The following SGIP1 variants were observed in gnomAD, a reference collection of about 807,000 sequenced individuals.
The protein encoded by SGIP1 is SH3-containing GRB2-like protein 3-interacting protein 1.
SGIP1 carries 38 observed loss-of-function variants against 107.5 expected under a neutral mutation model. The ratio of observed to expected loss-of-function variants is 0.35; its 90% CI spans 0.27 to 0.46. SGIP1 has a LOEUF of 0.46. Ranked by LOEUF, SGIP1 falls within the 20% of genes least tolerant of loss-of-function variation. The probability of loss-of-function intolerance (pLI) is 1.00; values close to 1 mark genes in which losing one functional copy is unlikely to be tolerated. For missense variants in SGIP1, 929 were observed against 1,019.5 expected (o/e 0.91, Z 1.21); for synonymous variants, 365 against 366.1 (o/e 1.00, Z 0.03).
At chr1:66,533,681 A>G (rs1331189997), upstream of SGIP1, 2 of 152,396 alleles carry the variant, frequency 1.3e-5, no homozygotes, top group African/African-American at 4.8e-5. Flanking sequence ...GGGTAAAAGG[A>G]CACCGGAATG....
At position 66,534,265 on chromosome 1, in the gene SGIP1, C is replaced by A; in HGVS notation, c.-94C>A. ...TGACAGCGGACGGAATAGACCTCAG[C>A]AGCGGCGTGGTGAGGACTTAGCTGG... On this transcript the variant is annotated 5_prime_UTR_variant, in exon 1 of 25. Coordinates refer to ENST00000371037, the MANE Select transcript of SGIP1 (RefSeq NM_032291.4). The A allele has an allele frequency of 7.5e-7, 1 of 1,338,486 alleles. No individual in the cohort carries two copies. Among genetic ancestry groups the A allele is most frequent in the Non-Finnish European group, 1.1e-6 (1 of 929,840 alleles). The allele number at this position is 1,338,486 out of a possible 1,614,324, so 82.9% of individuals were successfully genotyped here.
chr1:66,541,118 C>T (rs2054829131), intron 1 of SGIP1, among the ~76,000 whole-genome samples: 1 of 152,192 alleles, frequency 6.6e-6, no homozygotes, highest in Non-Finnish European at 1.5e-5. Context: ...TGCCTCTTTG[C>T]TGTACTGGAA....
At chr1:66,694,042 A>G (rs2150138717) in intron 17 of SGIP1, among the ~76,000 whole-genome samples, 1 of 152,324 alleles carries the variant, frequency 6.6e-6, no homozygotes. Flanking sequence ...CTGCTCTGTC[A>G]GGAGATTCTT....
chr1:66,586,763 T>A (rs1460791960), intron 1 of SGIP1, among the ~76,000 whole-genome samples: 1 of 152,132 alleles, frequency 6.6e-6, no homozygotes, highest in Non-Finnish European at 1.5e-5. Flanking sequence ...ATATTTTTGT[T>A]TACTGTGCTA....
intron 1 of SGIP1, among the ~76,000 whole-genome samples, chr1:66,574,696 G>GT (rs2060822122): frequency 6.6e-6 from 1 of 151,986 alleles, no homozygotes; most frequent in African/African-American, 2.4e-5. Context: ...ACATTCACTG[G>GT]TTCCCCCTTT....
rs1197339481 is a variant in SGIP1 at position 66,750,036 on chromosome 1, GGTGT to G, written c.*6970_*6973del. ...CTCTCTTTCTCTGTGTGTGTGTGGG[GGTGT>G]GTGTGTGTGTGTGTGTGTGTGTGTG... On this transcript the variant is annotated 3_prime_UTR_variant, in exon 25 of 25. Coordinates refer to ENST00000371037, the MANE Select transcript of SGIP1 (RefSeq NM_032291.4). Among the ~76,000 whole-genome samples the G allele has an allele frequency of 2.8e-3, 336 of 119,166 alleles. 1 individual carries two copies. The highest frequency in any genetic ancestry group is 0.01 in the East Asian group (42 of 4,098). The allele number at this position is 119,166 out of a possible 152,430, so 78.2% of individuals were successfully genotyped here.
intron 8 of SGIP1, among the ~76,000 whole-genome samples, chr1:66,662,518 T>C (rs10789213): frequency 0.37 from 55,570 of 152,100 alleles, 10,699 homozygotes; most frequent in African/African-American, 0.48. Flanking sequence ...CAAAAGGTAA[T>C]AGAACTGCCG....
At chr1:66,538,626 T>A (rs144374594) in intron 1 of SGIP1, among the ~76,000 whole-genome samples, 5 of 152,310 alleles carry the variant, frequency 3.3e-5, no homozygotes, top group African/African-American at 1.2e-4. Context: ...AATTTTTATG[T>A]TCCTGAAAGT....
intron 2 of SGIP1, among the ~76,000 whole-genome samples, chr1:66,630,152 T>A (rs2073938963): frequency 6.6e-6 from 1 of 152,106 alleles, no homozygotes; most frequent in African/African-American, 2.4e-5. Context: ...AGAATAGGAC[T>A]CCAGTGCTGC....
chr1:66,734,482 A>G (rs934731072), intron 21 of SGIP1, among the ~76,000 whole-genome samples: 1 of 150,668 alleles, frequency 6.6e-6, no homozygotes, highest in African/African-American at 2.4e-5. Context: ...GTTCCCAGCC[A>G]CTTGACTGCC....
chr1:66,641,970 C>T (rs2076873182), intron 5 of SGIP1, among the ~76,000 whole-genome samples: 1 of 152,188 alleles, frequency 6.6e-6, no homozygotes. Context: ...ATAACTCTAT[C>T]CATATCCTTA....
chr1:66,534,425 A>C, intron 1 of SGIP1, 57 bp downstream of exon 1: 2 of 1,595,018 alleles, frequency 1.3e-6, no homozygotes, highest in African/African-American at 2.7e-5. Flanking sequence ...GCAGAACAGC[A>C]TTAAAGAATA....
chr1:66,664,674 A>G (rs1323287480), intron 8 of SGIP1, among the ~76,000 whole-genome samples: 1 of 152,174 alleles, frequency 6.6e-6, no homozygotes, highest in Non-Finnish European at 1.5e-5. Context: ...TCTATGTTCT[A>G]GAAAGAACAT....
At chr1:66,683,298 G>A (rs2087240047) in intron 15 of SGIP1, among the ~76,000 whole-genome samples, 1 of 152,186 alleles carries the variant, frequency 6.6e-6, no homozygotes, top group South Asian at 2.1e-4. Context: ...GGGGCCTTCA[G>A]GGGGTGCCAT....
At chr1:66,570,344 A>G (rs148850867) in intron 1 of SGIP1, among the ~76,000 whole-genome samples, 35 of 152,034 alleles carry the variant, frequency 2.3e-4, no homozygotes, top group African/African-American at 7.0e-4. Flanking sequence ...CTCCATTGCT[A>G]TAATCCAGGT....
chr1:66,645,847 G>A (rs774449970), intron 7 of SGIP1, among the ~76,000 whole-genome samples: 3 of 152,084 alleles, frequency 2.0e-5, no homozygotes. Context: ...TAGTTTTGTT[G>A]TTGTTGTTGT....
At chr1:66,555,574 G>A (rs1027471032) in intron 1 of SGIP1, among the ~76,000 whole-genome samples, 5 of 152,078 alleles carry the variant, frequency 3.3e-5, no homozygotes, top group Admixed American at 1.3e-4. Flanking sequence ...TTTCCACAAA[G>A]GTTTCCCTGA....
At chr1:66,660,413 T>A in intron 7 of SGIP1, 100 bp from the exon 8 acceptor site, 1 of 1,141,908 alleles carries the variant, frequency 8.8e-7, no homozygotes, top group Non-Finnish European at 1.3e-6. Context: ...AGAGCTCCCT[T>A]AAGTAAGGTT....
At chr1:66,661,178 A>T (rs187076860) in intron 8 of SGIP1, among the ~76,000 whole-genome samples, 139 of 152,372 alleles carry the variant, frequency 9.1e-4, no homozygotes, top group African/African-American at 3.0e-3. Context: ...AGATTTCAAA[A>T]AATAAAATGA....
Sources: allele counts gnomAD v4.1 joint callset (sites outside exome capture counted in the v4.1 genomes callset), GRCh38; gene constraint gnomAD v4.1.1; transcripts MANE v1.5; gene names NCBI Gene and HGNC (gene_info 2026-07-23, HGNC 2026-07-21).